The following CHCHD6 variants were observed in gnomAD, a reference collection of about 807,000 sequenced individuals.
CHCHD6 encodes the protein coiled-coil-helix-coiled-coil-helix domain containing 6, also known as MICOS complex subunit MIC25.
In CHCHD6, 28 loss-of-function variants were observed where a neutral mutation model predicts 32.3. The ratio of observed to expected loss-of-function variants is 0.87; its 90% CI spans 0.64 to 1.19. CHCHD6 has a LOEUF of 1.19. Ranked by LOEUF, CHCHD6 falls within the 50% of genes most tolerant of loss-of-function variation. CHCHD6 has a pLI of 0.00. For missense variants in CHCHD6, 333 were observed against 307.0 expected (o/e 1.08, Z -0.63); for synonymous variants, 122 against 117.5 (o/e 1.04, Z -0.25).
At chr3:126,912,071 T>C (rs980680784) in intron 5 of CHCHD6, among the ~76,000 whole-genome samples, 1 of 152,194 alleles carries the variant, frequency 6.6e-6, no homozygotes, top group Non-Finnish European at 1.5e-5. Flanking sequence ...GGGTGCTGTG[T>C]GCCAAGATGT....
At chr3:126,765,314 T>C (rs1937323382) in intron 4 of CHCHD6, among the ~76,000 whole-genome samples, 1 of 151,396 alleles carries the variant, frequency 6.6e-6, no homozygotes. Flanking sequence ...TCGCCTCTCT[T>C]GGGTCCAGGT....
At chr3:126,953,250 C>A in intron 6 of CHCHD6, 4 of 501,794 alleles carry the variant, frequency 8.0e-6, no homozygotes, top group Non-Finnish European at 1.0e-5. Context: ...AGACATCTGC[C>A]AGCTCCTTGT....
intron 4 of CHCHD6, among the ~76,000 whole-genome samples, chr3:126,734,093 A>G (rs913079193): frequency 1.3e-5 from 2 of 152,192 alleles, no homozygotes; most frequent in East Asian, 1.9e-4. Flanking sequence ...CACAGGGATA[A>G]CTTTCCTAGA....
chr3:126,821,707 T>C (rs1027535472), intron 4 of CHCHD6, among the ~76,000 whole-genome samples: 5 of 152,186 alleles, frequency 3.3e-5, no homozygotes, highest in African/African-American at 9.6e-5. Context: ...GTCTGTCTGT[T>C]TGATTATAAC....
Position 126,771,067 on chromosome 3 carries a change from T to C in CHCHD6, c.411+37845T>C, listed in dbSNP as rs147296021. ...TGGTTTAGTCCTGGGAGGTTGTATG[T>C]GTCCAGGAATTTATCCACTTCTTCT... On this transcript the variant is annotated intron_variant, in intron 4 of 7. Transcript: ENST00000290913. Among the ~76,000 whole-genome samples, 1,069 of 152,304 alleles carry C rather than the reference T, an allele frequency of 7.0e-3. 13 individuals carry two copies. Among genetic ancestry groups the C allele is most frequent in the African/African-American group, 0.025 (1,021 of 41,574 alleles).
intron 5 of CHCHD6, among the ~76,000 whole-genome samples, chr3:126,871,592 T>G (rs1251748783): frequency 6.6e-6 from 1 of 151,438 alleles, no homozygotes; most frequent in Non-Finnish European, 1.5e-5. Flanking sequence ...GTAGCGAGCC[T>G]GGCAAGGTCA....
At chr3:126,947,136 G>A (rs1576638083) in intron 6 of CHCHD6, among the ~76,000 whole-genome samples, 1 of 152,394 alleles carries the variant, frequency 6.6e-6, no homozygotes, top group East Asian at 1.9e-4. Flanking sequence ...GCCGTCATGG[G>A]AACGACTTGG....
At chr3:126,791,812 T>C (rs1938559454) in intron 4 of CHCHD6, among the ~76,000 whole-genome samples, 1 of 152,220 alleles carries the variant, frequency 6.6e-6, no homozygotes, top group Non-Finnish European at 1.5e-5. Flanking sequence ...GGTTTCACCA[T>C]GTTGGCCAGA....
At chr3:126,723,600 G>T (rs147806665) in intron 1 of CHCHD6, among the ~76,000 whole-genome samples, 2 of 152,054 alleles carry the variant, frequency 1.3e-5, no homozygotes, top group African/African-American at 4.8e-5. Flanking sequence ...TGTGTTTTCC[G>T]TGACAGTGTA....
intron 5 of CHCHD6, among the ~76,000 whole-genome samples, chr3:126,892,956 G>T (rs1481293935): frequency 2.2e-5 from 3 of 134,224 alleles, no homozygotes; most frequent in African/African-American, 8.0e-5. Flanking sequence ...TGTTGTTGTT[G>T]TTTTGTTTTG....
intron 4 of CHCHD6, among the ~76,000 whole-genome samples, chr3:126,847,807 C>G (rs1014755332): frequency 1.3e-5 from 2 of 152,046 alleles, no homozygotes; most frequent in Non-Finnish European, 2.9e-5. Context: ...CTTCCCCTCG[C>G]CCACCTCCCA....
intron 4 of CHCHD6, among the ~76,000 whole-genome samples, chr3:126,776,467 C>T (rs1051592988): frequency 6.6e-6 from 1 of 152,152 alleles, no homozygotes; most frequent in Non-Finnish European, 1.5e-5. Context: ...TAGAGATCAC[C>T]ACCTGTGACC....
intron 4 of CHCHD6, among the ~76,000 whole-genome samples, chr3:126,741,980 G>A (rs1014890167): frequency 4.6e-5 from 7 of 152,092 alleles, no homozygotes; most frequent in African/African-American, 1.7e-4. Context: ...AGCTTTGTTG[G>A]GCTTATTGAC....
intron 5 of CHCHD6, among the ~76,000 whole-genome samples, chr3:126,870,671 A>G (rs1302079005): frequency 1.3e-5 from 2 of 152,220 alleles, no homozygotes; most frequent in Non-Finnish European, 2.9e-5. Flanking sequence ...CACATTCTGC[A>G]TATGACTACT....
chr3:126,883,111 A>T (rs1238729109), intron 5 of CHCHD6, among the ~76,000 whole-genome samples: 1 of 152,238 alleles, frequency 6.6e-6, no homozygotes, highest in East Asian at 1.9e-4. Context: ...CAGGTAGCTG[A>T]ACACTTGGAG....
At position 126,823,761 on chromosome 3, in the gene CHCHD6, G is replaced by A. The variant is rs562735831; in HGVS notation, c.412-28886G>A. 3.7e-4 allele frequency among the ~76,000 whole-genome samples: 56 copies of A among 152,040 alleles called. 1 individual carries two copies. The highest frequency in any genetic ancestry group is 1.6e-4 in the Non-Finnish European group (11 of 67,988). ...ACAGTTTTGAATAGAAGTTATTATA[G>A]TATGGCCAGGCATGGTGGCTCACGC... is the stretch of plus-strand genomic sequence containing the variant. On this transcript the variant is annotated intron_variant, in intron 4 of 7. Transcript: ENST00000290913.
chr3:126,730,601 G>A lies in CHCHD6; in HGVS notation c.237G>A (p.Gln79=). Residue 79 remains glutamine (Q), a synonymous_variant, in exon 3 of 8, where the codon CAG becomes CAA. Transcript: ENST00000290913. The part of the protein sequence containing the change: ...LPRSGSSGGQ[Q]PSGMKEGVKR... ...GGTCGGGGAGCAGTGGTGGCCAGCA[G>A]CCCTCAGGGATGAAGGAGGGTGTCA... 1 of 1,613,888 alleles carries A rather than the reference G, an allele frequency of 6.2e-7. No homozygotes were observed. Among genetic ancestry groups the A allele is most frequent in the Non-Finnish European group, 8.5e-7 (1 of 1,179,930 alleles).
intron 4 of CHCHD6, among the ~76,000 whole-genome samples, chr3:126,761,252 A>G (rs1937151061): frequency 2.0e-5 from 3 of 152,114 alleles, no homozygotes; most frequent in Non-Finnish European, 2.9e-5. Context: ...TTACATTCTT[A>G]CCAGTTTCTC....
intron 4 of CHCHD6, among the ~76,000 whole-genome samples, chr3:126,753,647 C>T (rs567934750): frequency 6.6e-6 from 1 of 152,378 alleles, no homozygotes; most frequent in African/African-American, 2.4e-5. Flanking sequence ...TTCATCTGCC[C>T]TTGCCCCTGT....
Sources: gnomAD v4.1 joint callset for allele counts (sites outside exome capture counted in the v4.1 genomes callset) on GRCh38, gnomAD v4.1.1 for gene constraint, MANE v1.5 for transcripts, NCBI Gene and HGNC (gene_info 2026-07-23, HGNC 2026-07-21) for gene names.